Variants in KLHL5 observed in about 807,000 individuals in gnomAD.
The protein encoded by KLHL5 is kelch-like protein 5.
In KLHL5, 48 loss-of-function variants were observed where a neutral mutation model predicts 77.7. The ratio of observed to expected loss-of-function variants is 0.62; its 90% CI spans 0.49 to 0.79. The LOEUF is 0.79. Among genes scored for constraint, KLHL5 ranks in the 30% least tolerant of loss-of-function variants. The pLI is 0.00. For synonymous variants in KLHL5, 260 were observed against 297.0 expected (o/e 0.88, Z 1.28); for missense variants, 723 against 859.7 (o/e 0.84, Z 1.99).
chr4:39,101,935 CATAT>C (rs1560433226), intron 6 of KLHL5, among the ~76,000 whole-genome samples: 16 of 128,150 alleles, frequency 1.2e-4, no homozygotes, highest in African/African-American at 2.3e-4. Context: ...TATATACACA[CATAT>C]ATACACACAT....
chr4:39,049,221 G>A (rs567463035), intron 1 of KLHL5, among the ~76,000 whole-genome samples: 4 of 152,314 alleles, frequency 2.6e-5, no homozygotes, highest in South Asian at 2.1e-4. Flanking sequence ...GCATTTCTTT[G>A]TGTATGTGAG....
At chr4:39,071,066 T>C (rs1718431408) in intron 1 of KLHL5, among the ~76,000 whole-genome samples, 1 of 152,174 alleles carries the variant, frequency 6.6e-6, no homozygotes, top group Non-Finnish European at 1.5e-5. Context: ...ATTTCTGTTT[T>C]TGTCTGTATA....
upstream of KLHL5, among the ~76,000 whole-genome samples, chr4:39,057,260 G>C (rs1318609720): frequency 6.6e-6 from 1 of 152,152 alleles, no homozygotes; most frequent in Non-Finnish European, 1.5e-5. Flanking sequence ...TAGGGATATA[G>C]TGGTCCCTGT....
At chr4:39,075,566 C>T (rs1312846092) in intron 1 of KLHL5, among the ~76,000 whole-genome samples, 1 of 151,912 alleles carries the variant, frequency 6.6e-6, no homozygotes, top group African/African-American at 2.4e-5. Context: ...TTTGTATTTC[C>T]AAAATAATTT....
chr4:39,126,592 G>C (rs78951141), downstream of KLHL5: 35 of 376,028 alleles, frequency 9.3e-5, 1 homozygote, highest in South Asian at 6.7e-4. Context: ...ACCCAGGGAA[G>C]CTCGGGAAGC....
chr4:39,106,174 C>A (rs1036172332), intron 7 of KLHL5, among the ~76,000 whole-genome samples: 7 of 152,168 alleles, frequency 4.6e-5, no homozygotes, highest in Admixed American at 3.3e-4. Context: ...CCCTGCCTAG[C>A]CAGACTGGCC....
At chr4:39,051,780 A>T (rs1372588682) in intron 1 of KLHL5, among the ~76,000 whole-genome samples, 1 of 152,250 alleles carries the variant, frequency 6.6e-6, no homozygotes, top group Non-Finnish European at 1.5e-5. Flanking sequence ...CCATAGACTG[A>T]GTTTCCAGGG....
rs187141921 is a variant in KLHL5 at position 39,093,366 on chromosome 4, G to A, written c.1114-3326G>A. On this transcript the variant is annotated intron_variant, in intron 5 of 10. Transcript: ENST00000504108. ...TGGGAATGAGGATCAACAGTAAATG[G>A]GCATGTGGGATCTAATTGAGGTGAT... 6.6e-6 allele frequency: 3 copies of A among 455,268 alleles called. No homozygotes were observed. In the East Asian group the frequency reaches 2.1e-4, roughly 32 times the overall value. The allele number at this position is 455,268 out of a possible 1,614,324, so 28.2% of individuals were successfully genotyped here.
At chr4:39,051,533 A>G (rs1716645649) in intron 1 of KLHL5, among the ~76,000 whole-genome samples, 1 of 152,204 alleles carries the variant, frequency 6.6e-6, no homozygotes, top group Admixed American at 6.5e-5. Flanking sequence ...AAGCTTGTTT[A>G]CTCAGAAGGC....
At chr4:39,075,786 A>G (rs1718969960) in intron 1 of KLHL5, among the ~76,000 whole-genome samples, 179 bp from the exon 2 acceptor site, 1 of 152,262 alleles carries the variant, frequency 6.6e-6, no homozygotes, top group Non-Finnish European at 1.5e-5. Context: ...TACAAGAATC[A>G]TATGACTTAA....
chr4:39,092,899 C>T (rs903813325), intron 5 of KLHL5, among the ~76,000 whole-genome samples: 1 of 152,178 alleles, frequency 6.6e-6, no homozygotes, highest in East Asian at 1.9e-4. Flanking sequence ...TCGTACAGTG[C>T]TGGTGGGAAT....
chr4:39,077,074 A>C (rs1719124433), intron 2 of KLHL5, among the ~76,000 whole-genome samples: 1 of 150,120 alleles, frequency 6.7e-6, no homozygotes, highest in African/African-American at 2.5e-5. Flanking sequence ...CAAATAAATC[A>C]GAAAAAAAAA....
At chr4:39,045,056 C>T in exon 1 of KLHL5, 1 of 993,592 alleles carries the variant, frequency 1.0e-6, no homozygotes, top group Non-Finnish European at 1.2e-6. Flanking sequence ...CTGGCCGCCC[C>T]GGCCCGCCGT....
chr4:39,121,305 G>T lies in KLHL5; in HGVS notation c.*239G>T. 1 of 534,026 alleles carries T rather than the reference G, an allele frequency of 1.9e-6. No individual in the cohort carries two copies. The highest frequency in any genetic ancestry group is 3.4e-6 in the Non-Finnish European group (1 of 298,160). The allele number at this position is 534,026 out of a possible 1,614,324, so 33.1% of individuals were successfully genotyped here. A position where few individuals can be genotyped will look rare whatever the true frequency, so the allele number is the denominator to read the frequency against. ...TGGTGGATTGTGATCACACATTCCC[G>T]AAGTAATAAGTGAGGACGAATGCAC... On this transcript the variant is annotated 3_prime_UTR_variant, in exon 11 of 11. Transcript: ENST00000504108.
At chr4:39,063,871 T>C (rs1717650678) in intron 1 of KLHL5, 1 of 161,444 alleles carries the variant, frequency 6.2e-6, no homozygotes, top group African/African-American at 2.4e-5. Context: ...TTCTTATTCA[T>C]CAGTTTAAAC....
chr4:39,079,612 T>C (rs754870459), intron 2 of KLHL5, among the ~76,000 whole-genome samples: 6 of 152,186 alleles, frequency 3.9e-5, no homozygotes, highest in Non-Finnish European at 5.9e-5. Flanking sequence ...TTACCACCCT[T>C]TCCCCATTTG....
chr4:39,099,371 C>G (rs1721349161), intron 6 of KLHL5, among the ~76,000 whole-genome samples: 2 of 152,156 alleles, frequency 1.3e-5, no homozygotes, highest in Non-Finnish European at 2.9e-5. Flanking sequence ...TAGAAGCTTT[C>G]TGTGTGTTAT....
intron 5 of KLHL5, among the ~76,000 whole-genome samples, chr4:39,091,288 C>T (rs545113329): frequency 5.3e-5 from 8 of 151,814 alleles, no homozygotes; most frequent in Admixed American, 4.6e-4. Context: ...CATGCCCAGC[C>T]GGTTTTTTAA....
intron 6 of KLHL5, among the ~76,000 whole-genome samples, chr4:39,099,398 A>T (rs1402162067): frequency 1.3e-5 from 2 of 152,000 alleles, no homozygotes; most frequent in Non-Finnish European, 1.5e-5. Context: ...ATATGCATTG[A>T]TCTCCCCTTT....
Sources: gnomAD v4.1 joint callset for allele counts (sites outside exome capture counted in the v4.1 genomes callset) on GRCh38, gnomAD v4.1.1 for gene constraint, MANE v1.5 for transcripts, NCBI Gene and HGNC (gene_info 2026-07-23, HGNC 2026-07-21) for gene names.